DDX1: variants seen among roughly 807,000 people sequenced by gnomAD.
DDX1 encodes the protein DEAD-box helicase 1, also known as ATP-dependent RNA helicase DDX1.
DDX1 carries 28 observed loss-of-function variants against 108.7 expected under a neutral mutation model. The observed-to-expected ratio is 0.26, with a 90% CI of 0.19 to 0.35. DDX1 has a LOEUF of 0.35. Ranked by LOEUF, DDX1 falls within the 10% of genes least tolerant of loss-of-function variation. The pLI, the probability that DDX1 is intolerant of heterozygous loss-of-function variation, is 1.00. For synonymous variants in DDX1, 295 were observed against 288.9 expected (o/e 1.02, Z -0.21); for missense variants, 710 against 884.5 (o/e 0.80, Z 2.50).
At chr2:15,595,427 C>CT (rs1463839673) in intron 2 of DDX1, 63 bp from the exon 3 acceptor site, 1 of 1,360,474 alleles carries the variant, frequency 7.4e-7, no homozygotes, top group Non-Finnish European at 1.1e-6. Flanking sequence ...ATTAACGTGA[C>CT]TTAATTTGCT....
At chr2:15,618,483 G>C (rs1665936455) in intron 16 of DDX1, among the ~76,000 whole-genome samples, 1 of 152,218 alleles carries the variant, frequency 6.6e-6, no homozygotes, top group African/African-American at 2.4e-5. Context: ...GGGTGAGCCA[G>C]GCGCGGAGTG....
rs530158385 is a variant in DDX1 at position 15,628,448 on chromosome 2, G to A, written c.1690G>A (p.Gly564Arg). ...RKQNLERFKKGDVRFLICTDV... is the reference protein window; with the variant it reads ...RKQNLERFKKRDVRFLICTDV... ...CTCTCTTCACTGTTCTCTTTAGAAA[G>A]GAGATGTAAGATTCTTGATTTGCAC... Residue 564 changes from glycine (G) to arginine (R), a missense_variant, in exon 21 of 26, where the codon GGA (glycine) becomes AGA (arginine). Coordinates refer to ENST00000233084, the MANE Select transcript of DDX1 (RefSeq NM_004939.3). The A allele has an allele frequency of 5.0e-6, 8 of 1,607,836 alleles. No individual in the cohort carries two copies. In the South Asian group the frequency reaches 6.6e-5, roughly 13 times the overall value.
At chr2:15,619,185 C>A (rs1218615570) in intron 16 of DDX1, among the ~76,000 whole-genome samples, 1 of 152,186 alleles carries the variant, frequency 6.6e-6, no homozygotes, top group Non-Finnish European at 1.5e-5. Flanking sequence ...CACTGCTCCC[C>A]CTCTGGCAGG....
In DDX1 at chr2:15,617,444, A is replaced by G. The variant is rs906300364; in HGVS notation, c.1116+102A>G. 15 of 496,530 alleles carry G rather than the reference A, an allele frequency of 3.0e-5. No individual in the cohort carries two copies. In the Admixed American group the frequency reaches 3.8e-4, roughly 12 times the overall value. 30.8% of individuals were successfully genotyped at this position (496,530 alleles called of 1,614,324 possible). A position where few individuals can be genotyped will look rare whatever the true frequency, so the allele number is the denominator to read the frequency against. On this transcript the variant is annotated intron_variant, in intron 15 of 25. Coordinates refer to ENST00000233084, the MANE Select transcript of DDX1 (RefSeq NM_004939.3). Reference sequence around the variant, plus strand: ...AATATAATTCAGTCATGATCCTACTACCTAGAGATAATCATTGTTATCAGT... The same window carrying G: ...AATATAATTCAGTCATGATCCTACTGCCTAGAGATAATCATTGTTATCAGT...
chr2:15,625,575 A>G (rs892641805), intron 19 of DDX1, among the ~76,000 whole-genome samples: 3 of 152,176 alleles, frequency 2.0e-5, no homozygotes, highest in Admixed American at 6.5e-5. Context: ...ATAGGTAGAT[A>G]TGTGGTTAAA....
chr2:15,607,342 T>G (rs569431880), intron 13 of DDX1, 29 bp downstream of exon 13: 1 of 1,606,332 alleles, frequency 6.2e-7, no homozygotes, highest in South Asian at 1.1e-5. Flanking sequence ...CTGAAATGCT[T>G]ATTGTCTTTT....
At chr2:15,619,721 G>T (rs1038731336) in intron 16 of DDX1, among the ~76,000 whole-genome samples, 2 of 152,202 alleles carry the variant, frequency 1.3e-5, no homozygotes, top group African/African-American at 4.8e-5. Flanking sequence ...AATTACTTGG[G>T]TGTTGCAGAA....
chr2:15,607,442 A>T, intron 13 of DDX1, 129 bp downstream of exon 13: 8 of 650,388 alleles, frequency 1.2e-5, no homozygotes, highest in Non-Finnish European at 2.0e-5. Flanking sequence ...TGAGTATGTA[A>T]ATATACTTTA....
chr2:15,621,138 T>C, intron 18 of DDX1, 22 bp downstream of exon 18: 2 of 1,571,930 alleles, frequency 1.3e-6, no homozygotes, highest in Non-Finnish European at 1.7e-6. Flanking sequence ...GAGTCAAATG[T>C]GTTGAAAGAT....
intron 1 of DDX1, among the ~76,000 whole-genome samples, chr2:15,593,420 G>A (rs923636016): frequency 3.9e-5 from 6 of 152,162 alleles, no homozygotes; most frequent in South Asian, 2.1e-4. Context: ...TCTGTGATAT[G>A]AAATAAGACA....
intron 16 of DDX1, among the ~76,000 whole-genome samples, 193 bp downstream of exon 16, chr2:15,618,463 T>C (rs1481977065): frequency 4.6e-5 from 7 of 152,216 alleles, no homozygotes; most frequent in Non-Finnish European, 1.0e-4. Flanking sequence ...CTGGACCCCA[T>C]GCCTCCCAAG....
intron 1 of DDX1, among the ~76,000 whole-genome samples, chr2:15,592,655 C>G (rs1263848963): frequency 1.3e-5 from 2 of 152,110 alleles, no homozygotes; most frequent in East Asian, 1.9e-4. Context: ...ATTTTCGCCT[C>G]TTGCTTTATC....
At chr2:15,628,974 C>G in intron 23 of DDX1, 135 bp downstream of exon 23, 1 of 778,458 alleles carries the variant, frequency 1.3e-6, no homozygotes, top group Non-Finnish European at 2.1e-6. Context: ...TTAATGTCAT[C>G]TTTTTTCCTA....
intron 20 of DDX1, among the ~76,000 whole-genome samples, chr2:15,628,172 G>T (rs953204691): frequency 6.6e-6 from 1 of 152,044 alleles, no homozygotes; most frequent in Admixed American, 6.6e-5. Flanking sequence ...TAAAGATTAA[G>T]CCAAGTTTTA....
intron 18 of DDX1, among the ~76,000 whole-genome samples, chr2:15,623,212 A>T (rs749998594): frequency 7.9e-5 from 12 of 152,184 alleles, no homozygotes; most frequent in Non-Finnish European, 1.8e-4. Flanking sequence ...CCCATAAAGT[A>T]GCATAAAAAA....
intron 14 of DDX1, among the ~76,000 whole-genome samples, chr2:15,615,530 A>T (rs1665879366): frequency 1.6e-5 from 2 of 122,314 alleles, no homozygotes; most frequent in Admixed American, 1.7e-4. Context: ...ATTTTCAGAC[A>T]ATATTTTCTA....
chr2:15,600,469 C>G (rs940772633), intron 6 of DDX1, among the ~76,000 whole-genome samples: 1 of 152,216 alleles, frequency 6.6e-6, no homozygotes, highest in African/African-American at 2.4e-5. Context: ...TTCCTTCACA[C>G]TATACCCTCC....
chr2:15,630,257 C>A, intron 25 of DDX1, 147 bp downstream of exon 25: 1 of 777,986 alleles, frequency 1.3e-6, no homozygotes. Flanking sequence ...CCTCATAGTA[C>A]TTTGTCCATA....
At chr2:15,602,662 C>G (rs772770300) in intron 7 of DDX1, 31 bp downstream of exon 7, 1 of 1,480,772 alleles carries the variant, frequency 6.8e-7, no homozygotes, top group South Asian at 1.1e-5. Context: ...CTTGTATAAA[C>G]TTTTGAGGCA....
Sources: allele counts gnomAD v4.1 joint callset (sites outside exome capture counted in the v4.1 genomes callset), GRCh38; gene constraint gnomAD v4.1.1; transcripts MANE v1.5; gene names NCBI Gene and HGNC (gene_info 2026-07-23, HGNC 2026-07-21).